The following SOCS5 variants were observed in gnomAD, a reference collection of about 807,000 sequenced individuals.
SOCS5 encodes the protein CIS-6.
In SOCS5, 32 loss-of-function variants were observed where a neutral mutation model predicts 42.8. The observed-to-expected ratio is 0.75, with a 90% CI of 0.56 to 1.01. SOCS5 has a LOEUF of 1.01. Among genes scored for constraint, SOCS5 ranks in the 50% least tolerant of loss-of-function variants. The pLI is 0.00. For synonymous variants in SOCS5, 283 were observed against 229.6 expected, an observed-to-expected ratio of 1.23 and a Z score of -2.10; for missense variants, 627 against 653.0, an observed-to-expected ratio of 0.96 and a Z score of 0.43.
chr2:46,747,879 A>G (rs1369025418), intron 1 of SOCS5, among the ~76,000 whole-genome samples: 1 of 152,238 alleles, frequency 6.6e-6, no homozygotes, highest in East Asian at 1.9e-4. Flanking sequence ...AATATTTAAA[A>G]AATCTTTTCA....
At chr2:46,758,495 C>G (rs760235004) in intron 1 of SOCS5, 24 bp from the exon 2 acceptor site, 1 of 1,493,060 alleles carries the variant, frequency 6.7e-7, no homozygotes, top group Non-Finnish European at 9.1e-7. Flanking sequence ...ATTTATTTTT[C>G]TCTTTTTGCT....
chr2:46,703,022 T>C (rs1211532267), intron 1 of SOCS5, among the ~76,000 whole-genome samples: 1 of 152,250 alleles, frequency 6.6e-6, no homozygotes, highest in East Asian at 1.9e-4. Flanking sequence ...TGTAACTTCT[T>C]ATCTGTCATG....
intron 1 of SOCS5, among the ~76,000 whole-genome samples, chr2:46,712,590 C>T (rs909429202): frequency 3.5e-4 from 54 of 152,274 alleles, no homozygotes; most frequent in African/African-American, 1.2e-3. Flanking sequence ...GATCCGCCTG[C>T]CTCGGCCTCC....
chr2:46,744,730 G>A (rs1673460894), intron 1 of SOCS5, among the ~76,000 whole-genome samples: 1 of 151,752 alleles, frequency 6.6e-6, no homozygotes, highest in Admixed American at 6.6e-5. Flanking sequence ...GTTTTACCAT[G>A]TTAGCCAGGC....
intron 1 of SOCS5, among the ~76,000 whole-genome samples, chr2:46,736,122 C>T (rs1456625654): frequency 6.6e-6 from 1 of 151,864 alleles, no homozygotes; most frequent in African/African-American, 2.4e-5. Flanking sequence ...CTCACTGCAG[C>T]CTCGACTTTC....
At chr2:46,733,101 T>G (rs1197146989) in intron 1 of SOCS5, among the ~76,000 whole-genome samples, 2 of 151,892 alleles carry the variant, frequency 1.3e-5, no homozygotes, top group African/African-American at 2.4e-5. Flanking sequence ...TTATTTTATT[T>G]ATTTATTTTT....
intron 1 of SOCS5, among the ~76,000 whole-genome samples, chr2:46,729,744 C>T (rs570226453): frequency 2.6e-5 from 4 of 152,292 alleles, no homozygotes; most frequent in African/African-American, 9.6e-5. Context: ...ACCTTATAAA[C>T]ACTGTACAGT....
chr2:46,711,055 A>G (rs1282925480), intron 1 of SOCS5, among the ~76,000 whole-genome samples: 1 of 152,190 alleles, frequency 6.6e-6, no homozygotes, highest in Non-Finnish European at 1.5e-5. Flanking sequence ...TATGAATATT[A>G]TTATTGTGGG....
At chr2:46,726,793 G>C (rs550182526) in intron 1 of SOCS5, among the ~76,000 whole-genome samples, 135 of 150,772 alleles carry the variant, frequency 9.0e-4, no homozygotes, top group Non-Finnish European at 1.5e-3. Flanking sequence ...TTTCGCTCTT[G>C]TTGCCCAGGC....
intron 1 of SOCS5, among the ~76,000 whole-genome samples, chr2:46,749,197 A>C (rs1057486098): frequency 6.6e-5 from 10 of 152,198 alleles, no homozygotes; most frequent in Non-Finnish European, 1.3e-4. Flanking sequence ...TGGAGATGGG[A>C]TATCAATGCA....
chr2:46,723,905 T>C lies in SOCS5; in HGVS notation c.-13+24456T>C, dbSNP rs376061850. 2.0e-5 allele frequency among the ~76,000 whole-genome samples: 3 copies of C among 152,092 alleles called. No homozygotes were observed. In the East Asian group the frequency reaches 5.8e-4, roughly 29 times the overall value. ...TGAGTCTTCCAGGCCTTGAATGTGGTAGCTCTCTGCTTATTTACATCTTTT... is the reference window on the plus strand; with the variant it reads ...TGAGTCTTCCAGGCCTTGAATGTGGCAGCTCTCTGCTTATTTACATCTTTT... On this transcript the variant is annotated intron_variant, in intron 1 of 1. Coordinates refer to ENST00000394861, the MANE Select transcript of SOCS5 (RefSeq NM_144949.3).
intron 1 of SOCS5, among the ~76,000 whole-genome samples, chr2:46,741,643 G>A (rs970505661): frequency 6.6e-6 from 1 of 152,126 alleles, no homozygotes; most frequent in Admixed American, 6.5e-5. Context: ...TGTGTGTTGA[G>A]GTCTGTTTAG....
intron 1 of SOCS5, among the ~76,000 whole-genome samples, chr2:46,716,962 C>A (rs1672760836): frequency 6.6e-6 from 1 of 152,086 alleles, no homozygotes; most frequent in Non-Finnish European, 1.5e-5. Context: ...TTTATTCATC[C>A]CAGCTGGTTA....
At chr2:46,721,921 A>G (rs1672893386) in intron 1 of SOCS5, among the ~76,000 whole-genome samples, 1 of 152,132 alleles carries the variant, frequency 6.6e-6, no homozygotes, top group Admixed American at 6.6e-5. Context: ...TGAAAAAAAT[A>G]TGGATAGATT....
chr2:46,738,971 A>C (rs1673312003), intron 1 of SOCS5, among the ~76,000 whole-genome samples: 1 of 152,240 alleles, frequency 6.6e-6, no homozygotes, highest in Non-Finnish European at 1.5e-5. Context: ...GTGGCTGAAT[A>C]ATGTCATATC....
intron 1 of SOCS5, 45 bp from the exon 2 acceptor site, chr2:46,758,474 T>C: frequency 1.5e-6 from 2 of 1,366,678 alleles, no homozygotes; most frequent in Middle Eastern, 3.8e-4. Context: ...CTTCACATGC[T>C]ACTTTGATTA....
chr2:46,746,214 A>T (rs1385149863), intron 1 of SOCS5, among the ~76,000 whole-genome samples: 1 of 152,146 alleles, frequency 6.6e-6, no homozygotes, highest in Non-Finnish European at 1.5e-5. Context: ...GAGAAGAGGG[A>T]TAGGCCCAAT....
intron 1 of SOCS5, among the ~76,000 whole-genome samples, chr2:46,720,376 C>G (rs924640644): frequency 5.9e-5 from 9 of 152,078 alleles, no homozygotes; most frequent in African/African-American, 2.2e-4. Flanking sequence ...TATTTTTGTT[C>G]TGAATGGTAA....
intron 1 of SOCS5, among the ~76,000 whole-genome samples, chr2:46,743,817 T>C (rs1673431686): frequency 6.6e-6 from 1 of 152,098 alleles, no homozygotes; most frequent in African/African-American, 2.4e-5. Context: ...GGCCTTCCAT[T>C]TGTATTTTCT....
Sources: gnomAD v4.1 joint callset for allele counts (sites outside exome capture counted in the v4.1 genomes callset) on GRCh38, gnomAD v4.1.1 for gene constraint, MANE v1.5 for transcripts, NCBI Gene and HGNC (gene_info 2026-07-23, HGNC 2026-07-21) for gene names.